NRXN3: variants seen among roughly 807,000 people sequenced by gnomAD.
NRXN3 encodes the protein neurexin 3.
Under a neutral mutation model 137.6 loss-of-function variants are expected in NRXN3, and 32 were observed. The observed-to-expected ratio is 0.23, with a 90% CI of 0.18 to 0.31. The LOEUF is 0.31. Among genes scored for constraint, NRXN3 ranks in the 10% least tolerant of loss-of-function variants. The probability of loss-of-function intolerance (pLI) is 1.00; values close to 1 mark genes in which losing one functional copy is unlikely to be tolerated. For missense variants in NRXN3, 1,574 were observed against 2,062.5 expected, an observed-to-expected ratio of 0.76 and a Z score of 4.59; for synonymous variants, 798 against 784.5, an observed-to-expected ratio of 1.02 and a Z score of -0.29.
intron 4 of NRXN3, among the ~76,000 whole-genome samples, chr14:78,405,442 C>T (rs1469360371): frequency 7.2e-5 from 11 of 152,236 alleles, no homozygotes; most frequent in South Asian, 2.1e-4. Flanking sequence ...ATTTCCCTTC[C>T]GATCCTGCTT....
chr14:78,331,611 A>C (rs951450452), intron 4 of NRXN3, among the ~76,000 whole-genome samples: 1 of 152,186 alleles, frequency 6.6e-6, no homozygotes, highest in Non-Finnish European at 1.5e-5. Flanking sequence ...TATAATCCAG[A>C]AAATTGTGAT....
intron 15 of NRXN3, among the ~76,000 whole-genome samples, chr14:79,095,340 G>T (rs948222349): frequency 6.6e-6 from 1 of 152,020 alleles, no homozygotes; most frequent in East Asian, 1.9e-4. Flanking sequence ...ATAAAATATA[G>T]ACTTAGACCT....
chr14:78,736,127 A>G (rs2098540147), intron 8 of NRXN3, among the ~76,000 whole-genome samples: 1 of 130,260 alleles, frequency 7.7e-6, no homozygotes, highest in African/African-American at 2.5e-5. Context: ...ACACACATAC[A>G]CATAGATCCA....
chr14:79,266,364 T>C lies in NRXN3; in HGVS notation c.3263-200857T>C, dbSNP rs565106763. On this transcript the variant is annotated intron_variant, in intron 15 of 20. Transcript: ENST00000335750. ...TCTCCAGCTATAAAGGTTATATATATATATAACCTTTAGAGCCAAATATAT... is the reference window on the plus strand; with the variant it reads ...TCTCCAGCTATAAAGGTTATATATACATATAACCTTTAGAGCCAAATATAT... 3.3e-5 allele frequency among the ~76,000 whole-genome samples: 5 copies of C among 152,224 alleles called. No homozygotes were observed. The South Asian group carries it at 1.0e-3, about 32-fold the overall frequency.
At chr14:78,900,724 GT>G (rs1218181463) in intron 10 of NRXN3, among the ~76,000 whole-genome samples, 1 of 151,984 alleles carries the variant, frequency 6.6e-6, no homozygotes, top group Non-Finnish European at 1.5e-5. Flanking sequence ...ATGTCCTCAA[GT>G]TTGGATTAGT....
intron 15 of NRXN3, among the ~76,000 whole-genome samples, chr14:79,171,825 T>C (rs765554130): frequency 6.6e-5 from 10 of 151,954 alleles, no homozygotes; most frequent in Non-Finnish European, 1.5e-4. Flanking sequence ...ATTTGTTTTT[T>C]TTTTCTTTCC....
intron 10 of NRXN3, among the ~76,000 whole-genome samples, chr14:78,880,766 T>C (rs1345295033): frequency 6.6e-6 from 1 of 152,234 alleles, no homozygotes; most frequent in Non-Finnish European, 1.5e-5. Context: ...GTTATGTATT[T>C]ACGCATATGG....
chr14:78,199,346 C>T (rs940612004), intron 1 of NRXN3, among the ~76,000 whole-genome samples: 1 of 152,080 alleles, frequency 6.6e-6, no homozygotes, highest in African/African-American at 2.4e-5. Context: ...AGACACATGG[C>T]ACTTTGAACT....
intron 15 of NRXN3, among the ~76,000 whole-genome samples, chr14:79,031,318 T>C (rs1026944276): frequency 6.6e-6 from 1 of 152,196 alleles, no homozygotes; most frequent in African/African-American, 2.4e-5. Context: ...AGAACTTAAA[T>C]GATTCATTAT....
intron 16 of NRXN3, among the ~76,000 whole-genome samples, chr14:79,609,770 T>A (rs557262396): frequency 6.6e-6 from 1 of 152,208 alleles, no homozygotes; most frequent in Non-Finnish European, 1.5e-5. Context: ...AAAACGAATA[T>A]GCCAGATATA....
Position 79,350,209 on chromosome 14 carries a change from T to C in NRXN3, c.3263-117012T>C, listed in dbSNP as rs141012970. Among the ~76,000 whole-genome samples the C allele has an allele frequency of 3.8e-3, 584 of 152,306 alleles. 6 individuals are homozygous for C. Among genetic ancestry groups the C allele is most frequent in the African/African-American group, 0.013 (522 of 41,572 alleles). ...ATCAAAGCATTTTATAATCAAACAT[T>C]CAAGTATGCTCTGATTGAGAGAATT... On this transcript the variant is annotated intron_variant, in intron 15 of 20. Transcript: ENST00000335750.
intron 15 of NRXN3, among the ~76,000 whole-genome samples, chr14:79,028,331 C>T (rs1030512758): frequency 6.6e-6 from 1 of 152,244 alleles, no homozygotes; most frequent in East Asian, 1.9e-4. Context: ...AAGTGGTCTA[C>T]TTCTGCATTT....
At chr14:78,732,790 G>A (rs56017103) in intron 8 of NRXN3, among the ~76,000 whole-genome samples, 63,675 of 151,966 alleles carry the variant, frequency 0.42, 14,642 homozygotes, top group Middle Eastern at 0.51. Context: ...ATGAGAGAAA[G>A]GTTAGATGGT....
At chr14:79,030,736 T>G (rs1014213051) in intron 15 of NRXN3, among the ~76,000 whole-genome samples, 12 of 151,118 alleles carry the variant, frequency 7.9e-5, no homozygotes, top group Non-Finnish European at 1.2e-4. Flanking sequence ...TCTTCCTGAT[T>G]TCATTTTGGT....
intron 4 of NRXN3, among the ~76,000 whole-genome samples, chr14:78,350,580 G>A (rs1291040458): frequency 6.6e-6 from 1 of 152,040 alleles, no homozygotes; most frequent in African/African-American, 2.4e-5. Context: ...AAAGAAGCTA[G>A]GATTTTATTC....
chr14:78,259,739 C>G (rs779866294), intron 2 of NRXN3, among the ~76,000 whole-genome samples: 1 of 152,152 alleles, frequency 6.6e-6, no homozygotes, highest in Non-Finnish European at 1.5e-5. Context: ...CTTCAACTCT[C>G]TAGGACTGGG....
chr14:79,103,408 A>G (rs1234283944), intron 15 of NRXN3, among the ~76,000 whole-genome samples: 2 of 152,180 alleles, frequency 1.3e-5, no homozygotes, highest in Non-Finnish European at 2.9e-5. Context: ...GGATGGTGCC[A>G]TTACCCCAAG....
chr14:79,512,508 T>A (rs541547197), intron 16 of NRXN3, among the ~76,000 whole-genome samples: 14 of 152,332 alleles, frequency 9.2e-5, no homozygotes, highest in East Asian at 7.7e-4. Context: ...AATAATAGTT[T>A]CAGTGACAGA....
At chr14:78,826,448 C>T (rs1015413207) in intron 10 of NRXN3, among the ~76,000 whole-genome samples, 1 of 152,106 alleles carries the variant, frequency 6.6e-6, no homozygotes, top group Non-Finnish European at 1.5e-5. Context: ...TCCATTGTGC[C>T]ATTGAACTTG....
Sources: gnomAD v4.1 joint callset for allele counts (sites outside exome capture counted in the v4.1 genomes callset) on GRCh38, gnomAD v4.1.1 for gene constraint, MANE v1.5 for transcripts, NCBI Gene and HGNC (gene_info 2026-07-23, HGNC 2026-07-21) for gene names.